PCNT: variants seen among roughly 807,000 people sequenced by gnomAD.
PCNT encodes kendrin.
In PCNT, 319 loss-of-function variants were observed where a neutral mutation model predicts 380.4. The observed-to-expected ratio is 0.84, with a 90% CI of 0.77 to 0.92. The LOEUF (loss-of-function observed/expected upper bound fraction) is 0.92. Among genes scored for constraint, PCNT ranks in the 40% least tolerant of loss-of-function variants. PCNT has a pLI of 0.00. For missense variants in PCNT, 4,400 were observed against 4,255.3 expected (o/e 1.03, Z -0.95); for synonymous variants, 1,845 against 1,735.2 (o/e 1.06, Z -1.57).
chr21:46,332,052 C>T (rs1182368117), intron 2 of PCNT, among the ~76,000 whole-genome samples: 2 of 152,114 alleles, frequency 1.3e-5, no homozygotes, highest in African/African-American at 2.4e-5. Context: ...CCCAGGTACT[C>T]GGGAGGCTGA....
At chr21:46,349,303 T>G in intron 7 of PCNT, 117 bp downstream of exon 7, 1 of 911,668 alleles carries the variant, frequency 1.1e-6, no homozygotes, top group South Asian at 1.3e-5. Context: ...TTCTAAATGC[T>G]GGATGGCCCC....
At position 46,381,798 on chromosome 21, in the gene PCNT, T is replaced by C; in HGVS notation, c.3270T>C (p.Ser1090=). Reference sequence around the variant, plus strand: ...CTTTTCACCAAGAGGAGAAAGAGTCTTTGTCTCTGCAGCTTCAAAAGAAGA... The same window carrying C: ...CTTTTCACCAAGAGGAGAAAGAGTCCTTGTCTCTGCAGCTTCAAAAGAAGA... ...AQPFHQEEKE[S]LSLQLQKKNH... Residue 1090 remains serine, a synonymous_variant, in exon 16 of 47, where the codon TCT becomes TCC. Coordinates refer to ENST00000359568, the MANE Select transcript of PCNT (RefSeq NM_006031.6). The C allele has an allele frequency of 6.2e-7, 1 of 1,614,234 alleles. No individual in the cohort carries two copies.
chr21:46,440,404 G>A (rs1331363400), intron 42 of PCNT, among the ~76,000 whole-genome samples: 1 of 152,234 alleles, frequency 6.6e-6, no homozygotes, highest in Non-Finnish European at 1.5e-5. Flanking sequence ...TTCTGTGCTT[G>A]TTAAGCGTGG....
intron 16 of PCNT, 109 bp from the exon 17 acceptor site, chr21:46,385,723 G>A: frequency 8.1e-7 from 1 of 1,236,826 alleles, no homozygotes; most frequent in Middle Eastern, 1.9e-4. Flanking sequence ...AAGCTGAAAA[G>A]TCCTAAGTCA....
intron 19 of PCNT, among the ~76,000 whole-genome samples, chr21:46,390,089 C>G (rs961311985): frequency 2.6e-5 from 4 of 152,258 alleles, no homozygotes; most frequent in African/African-American, 9.6e-5. Flanking sequence ...CTCAGCCTGG[C>G]CGTGGACGGC....
intron 38 of PCNT, among the ~76,000 whole-genome samples, chr21:46,434,373 T>C (rs117359575): frequency 0.018 from 2,686 of 152,304 alleles, 36 homozygotes; most frequent in Non-Finnish European, 0.022. Flanking sequence ...CAGTGCAGGC[T>C]CAGCTGTGGG....
At chr21:46,400,783 G>A (rs1337312171) in intron 25 of PCNT, among the ~76,000 whole-genome samples, 1 of 152,172 alleles carries the variant, frequency 6.6e-6, no homozygotes, top group Non-Finnish European at 1.5e-5. Flanking sequence ...GCCTCTCAAA[G>A]TGCTGGTATT....
intron 39 of PCNT, 97 bp from the exon 40 acceptor site, chr21:46,436,882 C>T: frequency 2.2e-6 from 2 of 912,142 alleles, no homozygotes; most frequent in Non-Finnish European, 3.6e-6. Flanking sequence ...CCTCAGAAAC[C>T]TGTCTTGTCT....
rs549927628 is a variant in PCNT at position 46,436,961 on chromosome 21, G to T, written c.8997-18G>T. On this transcript the variant is annotated intron_variant, in intron 39 of 46. Transcript: ENST00000359568. ...TTGGGGCGCGTATGCAACTTTGAGT[G>T]CCCATTTATTTTTACAGGACAGTTA... 1.0e-4 allele frequency: 165 copies of T among 1,577,096 alleles called. No individual in the cohort carries two copies. The highest frequency in any genetic ancestry group is 1.4e-4 in the Non-Finnish European group (160 of 1,146,346).
chr21:46,326,263 T>G, intron 1 of PCNT, 114 bp from the exon 2 acceptor site: 1 of 884,306 alleles, frequency 1.1e-6, no homozygotes, highest in South Asian at 1.4e-5. Context: ...TGTGGCAGAG[T>G]AGACTGGGTC....
chr21:46,325,290 C>G, intron 1 of PCNT: 1 of 814,256 alleles, frequency 1.2e-6, no homozygotes, highest in Non-Finnish European at 1.5e-6. Flanking sequence ...GGACAGGGGA[C>G]GCGGGGCTAG....
intron 15 of PCNT, among the ~76,000 whole-genome samples, chr21:46,369,416 C>T (rs901927735): frequency 1.3e-5 from 2 of 152,198 alleles, no homozygotes; most frequent in African/African-American, 4.8e-5. Context: ...TGTTGTCTTT[C>T]TGGACAAAAT....
rs2084765762 is a variant in PCNT at position 46,362,805 on chromosome 21, C to T, written c.2155-675C>T. Among the ~76,000 whole-genome samples the T allele has an allele frequency of 2.6e-5, 4 of 151,342 alleles. No homozygotes were observed. In the South Asian group the frequency reaches 8.3e-4, roughly 32 times the overall value. Reference sequence around the variant, plus strand: ...AAAGGATTGCTTGAGCCCAGGAGTTCGAGGCTGCAGTGAGCTGTGATTGTG... The same window carrying T: ...AAAGGATTGCTTGAGCCCAGGAGTTTGAGGCTGCAGTGAGCTGTGATTGTG... On this transcript the variant is annotated intron_variant, in intron 13 of 46. Transcript: ENST00000359568.
At chr21:46,397,159 C>G in intron 21 of PCNT, 106 bp from the exon 22 acceptor site, 2 of 905,336 alleles carry the variant, frequency 2.2e-6, no homozygotes, top group Non-Finnish European at 3.6e-6. Context: ...GAAGTGACTT[C>G]ATTTTCGGTG....
intron 3 of PCNT, among the ~76,000 whole-genome samples, chr21:46,344,287 G>A (rs537343979): frequency 6.6e-6 from 1 of 152,098 alleles, no homozygotes; most frequent in African/African-American, 2.4e-5. Context: ...TGTTGGCCAG[G>A]ATGTTCTCAA....
chr21:46,402,929 T>C (rs2086477415), intron 27 of PCNT, among the ~76,000 whole-genome samples: 2 of 152,202 alleles, frequency 1.3e-5, no homozygotes, highest in African/African-American at 4.8e-5. Context: ...GAGTACATAG[T>C]AGGTGTATAT....
chr21:46,442,566 TC>T lies in PCNT; in HGVS notation c.9694del (p.Arg3232AlafsTer58). On this transcript the variant is annotated frameshift_variant, in exon 44 of 47. Coordinates refer to ENST00000359568, the MANE Select transcript of PCNT (RefSeq NM_006031.6). LOFTEE classifies it high-confidence loss of function. The stretch of plus-strand genomic sequence containing the variant: ...GAGCTCTGGCACAAGGCAAAGCCCC[TC>T]GCCCAGGTGGGACTCCAGCTGCTGT... ...KGALAQGKAPRPGPRARQPQS... is the reference protein window; with the variant it reads ...KGALAQGKAPXPGPRARQPQS... 1.2e-6 allele frequency: 2 copies of T among 1,605,900 alleles called. No homozygotes were observed. Among genetic ancestry groups the T allele is most frequent in the Non-Finnish European group, 1.7e-6 (2 of 1,172,594 alleles).
At chr21:46,442,797 G>C (rs2148118324) in intron 44 of PCNT, 1 of 597,516 alleles carries the variant, frequency 1.7e-6, no homozygotes, top group African/African-American at 1.9e-5. Flanking sequence ...GGCGTACGGC[G>C]ATGGGAAACA....
intron 15 of PCNT, among the ~76,000 whole-genome samples, chr21:46,372,981 C>CTG (rs2085202963): frequency 6.6e-6 from 1 of 152,222 alleles, no homozygotes; most frequent in Non-Finnish European, 1.5e-5. Context: ...CGTGTGTCAC[C>CTG]TGTGTCCTTT....
Sources: allele counts gnomAD v4.1 joint callset (sites outside exome capture counted in the v4.1 genomes callset), GRCh38; gene constraint gnomAD v4.1.1; transcripts MANE v1.5; gene names NCBI Gene and HGNC (gene_info 2026-07-23, HGNC 2026-07-21).